Variants in HIPK2 observed in about 807,000 individuals in gnomAD.
HIPK2 encodes homeodomain interacting protein kinase 2.
HIPK2 carries 27 observed loss-of-function variants against 113.7 expected under a neutral mutation model. The observed-to-expected ratio is 0.24, with a 90% CI of 0.17 to 0.33. The LOEUF (loss-of-function observed/expected upper bound fraction) is 0.33, where lower values mean the gene tolerates loss of function less well. HIPK2 is among the 10% of genes least tolerant of loss of function. HIPK2 has a pLI of 1.00. For missense variants in HIPK2, 1,257 were observed against 1,588.0 expected (o/e 0.79, Z 3.54); for synonymous variants, 631 against 642.2 (o/e 0.98, Z 0.26).
chr7:139,601,572 A>G (rs2116691518), intron 10 of HIPK2, among the ~76,000 whole-genome samples: 1 of 152,338 alleles, frequency 6.6e-6, no homozygotes, highest in South Asian at 2.1e-4. Flanking sequence ...AAGGTTGACT[A>G]GACAAGTATA....
chr7:139,700,703 A>T (rs1794683434), intron 2 of HIPK2, among the ~76,000 whole-genome samples: 1 of 152,288 alleles, frequency 6.6e-6, no homozygotes, highest in South Asian at 2.1e-4. Context: ...TCCATGTGGG[A>T]CTGAGTCTCG....
intron 2 of HIPK2, among the ~76,000 whole-genome samples, chr7:139,657,755 C>G (rs903944854): frequency 6.6e-6 from 1 of 152,200 alleles, no homozygotes; most frequent in Non-Finnish European, 1.5e-5. Flanking sequence ...AAGCTATAAG[C>G]TTCTTGATTA....
chr7:139,638,414 A>G (rs1800885044), intron 2 of HIPK2, among the ~76,000 whole-genome samples: 1 of 152,144 alleles, frequency 6.6e-6, no homozygotes, highest in Non-Finnish European at 1.5e-5. Context: ...ACAAGCATAC[A>G]AAGATCAATG....
rs185366491 is a variant in HIPK2 at position 139,630,484 on chromosome 7, G to A, written c.1347+681C>T. 1.2e-3 allele frequency among the ~76,000 whole-genome samples: 184 copies of A among 152,292 alleles called. No individual in the cohort carries two copies. The highest frequency in any genetic ancestry group is 4.3e-3 in the African/African-American group (178 of 41,552). ...ACAATCTCAGCTCACTGCAACCTCCGCCTCCCAGGTGCAAGTGATTCACGT... is the reference window on the plus strand; with the variant it reads ...ACAATCTCAGCTCACTGCAACCTCCACCTCCCAGGTGCAAGTGATTCACGT... On this transcript the variant is annotated intron_variant, in intron 4 of 14. Coordinates refer to ENST00000406875, the MANE Select transcript of HIPK2 (RefSeq NM_022740.5). This position sits in a 1 kb window ranked among gnomAD's most constrained non-coding sequence, Gnocchi z 4.0.
chr7:139,755,345 C>G (rs998091199), intron 1 of HIPK2, among the ~76,000 whole-genome samples: 1 of 152,224 alleles, frequency 6.6e-6, no homozygotes, highest in Non-Finnish European at 1.5e-5. Flanking sequence ...AACCCTGGAG[C>G]TGATGACCTC....
chr7:139,777,738 C>A lies in HIPK2; in HGVS notation c.-115G>T. ...CTTGAGCCTGTGTCTCCGCTCTCGG[C>A]GCAGCCGAGGCCGCCCGCGCCCGCA... On this transcript the variant is annotated 5_prime_UTR_variant, in exon 1 of 15. Transcript: ENST00000406875. 1 of 982,240 alleles carries A rather than the reference C, an allele frequency of 1.0e-6. No homozygotes were observed. Among genetic ancestry groups the A allele is most frequent in the Non-Finnish European group, 1.2e-6 (1 of 819,322 alleles). The allele number at this position is 982,240 out of a possible 1,614,324, so 60.8% of individuals were successfully genotyped here. A position where few individuals can be genotyped will look rare whatever the true frequency, so the allele number is the denominator to read the frequency against.
At chr7:139,749,819 T>C (rs923247493) in intron 1 of HIPK2, among the ~76,000 whole-genome samples, 3 of 152,212 alleles carry the variant, frequency 2.0e-5, no homozygotes, top group Non-Finnish European at 4.4e-5. Context: ...CAACAGTTCA[T>C]ACTGTCCTGG....
chr7:139,737,349 T>C (rs1199185877), intron 1 of HIPK2, among the ~76,000 whole-genome samples: 1 of 152,108 alleles, frequency 6.6e-6, no homozygotes, highest in Admixed American at 6.6e-5. Context: ...ATCCTAAGAA[T>C]TATTAAGGGA....
In HIPK2 at chr7:139,578,581, G is replaced by A. The variant is rs116277687; in HGVS notation, c.2966-3293C>T. On this transcript the variant is annotated intron_variant, in intron 13 of 14. Coordinates refer to ENST00000406875, the MANE Select transcript of HIPK2 (RefSeq NM_022740.5). ...TGTTGATTTGAGCACTTCATGTGTT[G>A]TATCTTGTACTCAGTTATTTTTCTT... Among the ~76,000 whole-genome samples, 390 of 152,336 alleles carry A rather than the reference G, an allele frequency of 2.6e-3. 3 individuals are homozygous for A. The highest frequency in any genetic ancestry group is 8.6e-3 in the African/African-American group (359 of 41,576).
chr7:139,684,660 T>A (rs986778732), intron 2 of HIPK2, among the ~76,000 whole-genome samples: 2 of 152,174 alleles, frequency 1.3e-5, no homozygotes, highest in Non-Finnish European at 2.9e-5. Context: ...GAGGTTGCAG[T>A]AGCCTATGAT....
intron 2 of HIPK2, among the ~76,000 whole-genome samples, chr7:139,633,095 C>CAAAAAAAAAAAAAAAA (rs942820284): frequency 1.7e-4 from 13 of 74,638 alleles, no homozygotes; most frequent in East Asian, 5.7e-4. Context: ...GACCCTGTCT[C>CAAAAAAAAAAAAAAAA]AAAAAAAAAA....
chr7:139,740,157 G>C (rs1423398237), intron 1 of HIPK2, among the ~76,000 whole-genome samples: 3 of 152,176 alleles, frequency 2.0e-5, no homozygotes, highest in African/African-American at 7.2e-5. Flanking sequence ...AAGTCCCCCA[G>C]AGGTCCCAGG....
rs1255702082 is a variant in HIPK2 at position 139,631,817 on chromosome 7, T to C, written c.1104-92A>G. 5 of 1,444,596 alleles carry C rather than the reference T, an allele frequency of 3.5e-6. No individual in the cohort carries two copies. Among genetic ancestry groups the C allele is most frequent in the Admixed American group, 2.3e-5 (1 of 42,716 alleles). 89.5% of individuals were successfully genotyped at this position (1,444,596 alleles called of 1,614,324 possible). Reference sequence around the variant, plus strand: ...ACTATCTTTCAAACCTGGGGTGCCATTACTGACTCCTCCTCTGAAGGGCCT... The same window carrying C: ...ACTATCTTTCAAACCTGGGGTGCCACTACTGACTCCTCCTCTGAAGGGCCT... On this transcript the variant is annotated intron_variant, in intron 2 of 14. Coordinates refer to ENST00000406875, the MANE Select transcript of HIPK2 (RefSeq NM_022740.5). This position sits in a 1 kb window ranked among gnomAD's most constrained non-coding sequence, Gnocchi z 4.9.
intron 1 of HIPK2, among the ~76,000 whole-genome samples, chr7:139,730,955 C>G (rs1368729581): frequency 6.6e-6 from 1 of 152,104 alleles, no homozygotes; most frequent in African/African-American, 2.4e-5. Flanking sequence ...TGTTGGGAGC[C>G]ATCAGAAGCC....
chr7:139,729,837 A>G (rs1448011711), intron 1 of HIPK2, among the ~76,000 whole-genome samples: 4 of 152,242 alleles, frequency 2.6e-5, no homozygotes, highest in Non-Finnish European at 5.9e-5. Context: ...AAGTTTCAGC[A>G]GTACCAGTTT....
chr7:139,734,255 A>T (rs1795875664), intron 1 of HIPK2, among the ~76,000 whole-genome samples: 1 of 152,208 alleles, frequency 6.6e-6, no homozygotes, highest in Non-Finnish European at 1.5e-5. Flanking sequence ...AAATGATGAA[A>T]CTACTCTCAT....
intron 2 of HIPK2, among the ~76,000 whole-genome samples, chr7:139,657,987 C>T (rs1801731778): frequency 6.6e-6 from 1 of 152,132 alleles, no homozygotes; most frequent in African/African-American, 2.4e-5. Flanking sequence ...ACTTTGTGTT[C>T]CTGGTTGAGT....
At chr7:139,621,239 G>A (rs143147410) in intron 6 of HIPK2, among the ~76,000 whole-genome samples, 12 of 152,182 alleles carry the variant, frequency 7.9e-5, no homozygotes, top group South Asian at 6.2e-4. Context: ...CATGATTCTC[G>A]TCCCTACTTC....
intron 7 of HIPK2, among the ~76,000 whole-genome samples, chr7:139,615,017 G>A (rs916041226): frequency 1.3e-5 from 2 of 152,138 alleles, no homozygotes; most frequent in African/African-American, 4.8e-5. Flanking sequence ...AGCTCTGGGT[G>A]CCTGGACCTG....
Sources: gnomAD v4.1 joint callset for allele counts (sites outside exome capture counted in the v4.1 genomes callset) on GRCh38, gnomAD v4.1.1 for gene constraint, Gnocchi (gnomAD v3.1) non-coding constraint, MANE v1.5 for transcripts, NCBI Gene and HGNC (gene_info 2026-07-23, HGNC 2026-07-21) for gene names.